The following MSH3 variants were observed in gnomAD, a reference collection of about 807,000 sequenced individuals.
MSH3 encodes DNA mismatch repair protein Msh3.
In MSH3, 106 loss-of-function variants were observed where a neutral mutation model predicts 123.3. That is an observed-to-expected ratio of 0.86 (90% CI 0.73 to 1.01). The LOEUF (loss-of-function observed/expected upper bound fraction) is 1.01. MSH3 is among the 50% of genes least tolerant of loss of function. MSH3 has a pLI of 0.00. For synonymous variants in MSH3, 515 were observed against 481.4 expected, an observed-to-expected ratio of 1.07 and a Z score of -0.91; for missense variants, 1,459 against 1,347.6, an observed-to-expected ratio of 1.08 and a Z score of -1.29.
rs529390656 is a variant in MSH3 at position 80,772,263 on chromosome 5, G to A, written c.2253+3260G>A. Among the ~76,000 whole-genome samples, 3 of 152,232 alleles carry A rather than the reference G, an allele frequency of 2.0e-5. No homozygotes were observed. In the East Asian group the frequency reaches 5.8e-4, roughly 29 times the overall value. Reference sequence around the variant, plus strand: ...AGCATATCCAAATACCTGTTTACTGGTTTAAAATGTGGAAAATAATCTGTT... The same window carrying A: ...AGCATATCCAAATACCTGTTTACTGATTTAAAATGTGGAAAATAATCTGTT... On this transcript the variant is annotated intron_variant, in intron 15 of 23. Transcript: ENST00000265081.
At chr5:80,727,353 T>C (rs1743321686) in intron 9 of MSH3, among the ~76,000 whole-genome samples, 1 of 152,240 alleles carries the variant, frequency 6.6e-6, no homozygotes, top group South Asian at 2.1e-4. Context: ...TATAAACACC[T>C]ATAGTTAAAA....
intron 18 of MSH3, among the ~76,000 whole-genome samples, chr5:80,789,626 C>T (rs778282984): frequency 1.3e-5 from 2 of 152,190 alleles, no homozygotes; most frequent in African/African-American, 2.4e-5. Context: ...CTGCCTTGGC[C>T]TTCCAAAGTG....
At chr5:80,789,041 C>T (rs2112022190) in intron 18 of MSH3, among the ~76,000 whole-genome samples, 1 of 152,086 alleles carries the variant, frequency 6.6e-6, no homozygotes, top group Non-Finnish European at 1.5e-5. Context: ...ATTTTGATAG[C>T]AACAGAATAA....
chr5:80,734,209 G>T (rs10055856), intron 10 of MSH3, among the ~76,000 whole-genome samples: 15,534 of 152,164 alleles, frequency 0.1, 861 homozygotes, highest in African/African-American at 0.14. Flanking sequence ...AAAAAGTCTC[G>T]TTTTGTCTGA....
chr5:80,706,785 G>T lies in MSH3; in HGVS notation c.1341-18668G>T, dbSNP rs913346027. On this transcript the variant is annotated intron_variant, in intron 8 of 23. Coordinates refer to ENST00000265081, the MANE Select transcript of MSH3 (RefSeq NM_002439.5). ...GGAGTACACATTTGCACAGGAATTT[G>T]TTTTTTTCCAGACTTTTTAATAGAA... 1.3e-3 allele frequency among the ~76,000 whole-genome samples: 193 copies of T among 152,100 alleles called. 2 individuals are homozygous for T. Among genetic ancestry groups the T allele is most frequent in the African/African-American group, 4.5e-3 (187 of 41,514 alleles).
intron 15 of MSH3, among the ~76,000 whole-genome samples, chr5:80,774,749 G>C (rs989465881): frequency 6.6e-6 from 1 of 152,096 alleles, no homozygotes; most frequent in African/African-American, 2.4e-5. Context: ...TTACTTGTGG[G>C]AGCTAAAAAT....
chr5:80,745,980 A>AAT (rs898796228), intron 12 of MSH3, among the ~76,000 whole-genome samples: 1 of 151,804 alleles, frequency 6.6e-6, no homozygotes, highest in Non-Finnish European at 1.5e-5. Flanking sequence ...TTCTTTTGCA[A>AAT]GTTTTTTTTT....
intron 7 of MSH3, 131 bp from the exon 8 acceptor site, chr5:80,678,796 A>T (rs1320575292): frequency 1.1e-5 from 11 of 983,298 alleles, no homozygotes; most frequent in African/African-American, 1.6e-5. Context: ...CAGGTTTCTA[A>T]CACTTTAGAA....
chr5:80,695,240 T>A (rs1001116294), intron 8 of MSH3, among the ~76,000 whole-genome samples: 1 of 152,122 alleles, frequency 6.6e-6, no homozygotes, highest in Non-Finnish European at 1.5e-5. Flanking sequence ...TCTATTGTTC[T>A]GTTTTTCATT....
intron 20 of MSH3, among the ~76,000 whole-genome samples, chr5:80,834,401 A>G (rs1464360789): frequency 6.7e-6 from 1 of 150,256 alleles, no homozygotes; most frequent in Non-Finnish European, 1.5e-5. Flanking sequence ...GAAAGCAGTG[A>G]TGGCTACACA....
chr5:80,746,399 C>A, intron 12 of MSH3: 1 of 427,520 alleles, frequency 2.3e-6, no homozygotes, highest in South Asian at 1.7e-5. Context: ...TCAGTAAAGT[C>A]ATTTTTGATA....
chr5:80,782,201 G>T (rs959590093), intron 17 of MSH3, among the ~76,000 whole-genome samples: 1 of 152,076 alleles, frequency 6.6e-6, no homozygotes, highest in African/African-American at 2.4e-5. Flanking sequence ...TTTCTGGATG[G>T]TGAGGTTACT....
chr5:80,787,505 C>A (rs1744529552), intron 17 of MSH3, 60 bp from the exon 18 acceptor site: 2 of 1,022,220 alleles, frequency 2.0e-6, no homozygotes, highest in Non-Finnish European at 1.6e-6. Flanking sequence ...TGTTGTAGAG[C>A]TATTATAGGT....
At chr5:80,805,278 G>A (rs1744866970) in intron 19 of MSH3, among the ~76,000 whole-genome samples, 1 of 152,190 alleles carries the variant, frequency 6.6e-6, no homozygotes, top group Admixed American at 6.5e-5. Context: ...AAACTGGTAT[G>A]TGGGTTGGGA....
intron 19 of MSH3, among the ~76,000 whole-genome samples, chr5:80,800,720 C>T (rs1744776569): frequency 6.6e-6 from 1 of 152,210 alleles, no homozygotes; most frequent in African/African-American, 2.4e-5. Flanking sequence ...ACATTCATCT[C>T]TTTGATCTAT....
intron 19 of MSH3, among the ~76,000 whole-genome samples, chr5:80,798,366 A>G (rs146242527): frequency 3.9e-4 from 1 of 2,542 alleles, no homozygotes; most frequent in African/African-American, 7.1e-3. Flanking sequence ...GTAAAGATGA[A>G]CAGATTTCCC....
chr5:80,692,457 T>G lies in MSH3; in HGVS notation c.1340+13364T>G, dbSNP rs1580565401. ...ATAAACATGTATATGTTTAGATAGA[T>G]AAACATGTATATGTTTAGATAGATA... On this transcript the variant is annotated intron_variant, in intron 8 of 23. Coordinates refer to ENST00000265081, the MANE Select transcript of MSH3 (RefSeq NM_002439.5). Among the ~76,000 whole-genome samples, 3 of 46,824 alleles carry G rather than the reference T, an allele frequency of 6.4e-5. 1 individual carries two copies. The highest frequency in any genetic ancestry group is 4.1e-4 in the African/African-American group (3 of 7,230). 30.7% of individuals were successfully genotyped at this position (46,824 alleles called of 152,430 possible).
rs1743714407 is a variant in MSH3, at chr5:80,746,116, T to C, written c.1763+1501T>C. 2.0e-5 allele frequency among the ~76,000 whole-genome samples: 3 copies of C among 152,212 alleles called. No homozygotes were observed. In the South Asian group the frequency reaches 6.2e-4, roughly 31 times the overall value. ...ATAGAAAACGCACAGTACAGTTTTA[T>C]TCAGAGCAAAGAAAAAAGAAACTTG... On this transcript the variant is annotated intron_variant, in intron 12 of 23. Coordinates refer to ENST00000265081, the MANE Select transcript of MSH3 (RefSeq NM_002439.5).
chr5:80,813,702 A>G lies in MSH3; in HGVS notation c.2774A>G (p.Glu925Gly), dbSNP rs764219762. 3.3e-5 allele frequency: 54 copies of G among 1,614,076 alleles called. No individual in the cohort carries two copies. The Admixed American group carries it at 9.0e-4, about 27-fold the overall frequency. The change falls in exon 20 of 24, where the codon GAA becomes GGA. Residue 925 changes from glutamate to glycine, a missense_variant. Glu to Gly is a moderately conservative substitution (Grantham distance 98). Coordinates refer to ENST00000265081, the MANE Select transcript of MSH3 (RefSeq NM_002439.5). ...CAGATTGGCTCCTATGTTCCTGCAGAAGAAGCGACAATTGGGATTGTGGAT... is the reference window on the plus strand; with the variant it reads ...CAGATTGGCTCCTATGTTCCTGCAGGAGAAGCGACAATTGGGATTGTGGAT... ...MAQIGSYVPA[E>G]EATIGIVDGI...
Sources: gnomAD v4.1 joint callset for allele counts (sites outside exome capture counted in the v4.1 genomes callset) on GRCh38, gnomAD v4.1.1 for gene constraint, MANE v1.5 for transcripts, NCBI Gene and HGNC (gene_info 2026-07-23, HGNC 2026-07-21) for gene names.